VGLL4: variants seen among roughly 807,000 people sequenced by gnomAD.
VGLL4 encodes transcription cofactor vestigial-like protein 4.
VGLL4 carries 7 observed loss-of-function variants against 21.0 expected under a neutral mutation model. That is an observed-to-expected ratio of 0.33 (90% CI 0.19 to 0.63). The LOEUF is 0.63. Ranked by LOEUF, VGLL4 falls within the 20% of genes least tolerant of loss-of-function variation. VGLL4 has a pLI of 0.78. For missense variants in VGLL4, 394 were observed against 425.7 expected, an observed-to-expected ratio of 0.93 and a Z score of 0.66; for synonymous variants, 222 against 173.2, an observed-to-expected ratio of 1.28 and a Z score of -2.21.
At chr3:11,667,842 CTTTTTTTTTTTTTTTTT>C (rs746416276) in intron 2 of VGLL4, among the ~76,000 whole-genome samples, 14 of 69,334 alleles carry the variant, frequency 2.0e-4, no homozygotes, top group African/African-American at 8.4e-4. Context: ...CTATCTTCTT[CTTTTTTTTTTTTTTTTT>C]TTTTTTTTTT....
chr3:11,594,308 T>C (rs890683868), intron 2 of VGLL4, among the ~76,000 whole-genome samples: 1 of 152,204 alleles, frequency 6.6e-6, no homozygotes, highest in African/African-American at 2.4e-5. Context: ...AACTCAATTT[T>C]TGCTTTTATA....
Position 11,558,352 on chromosome 3 carries a change from G to A in VGLL4, c.*204C>T, listed in dbSNP as rs1027970078. Reference sequence around the variant, plus strand: ...GACAGATGTTCCACGCGTAGTTCCTGCTATCATGTTTGAGGGCCCCCTTGT... The same window carrying A: ...GACAGATGTTCCACGCGTAGTTCCTACTATCATGTTTGAGGGCCCCCTTGT... On this transcript the variant is annotated 3_prime_UTR_variant, in exon 5 of 5. Coordinates refer to ENST00000430365, the MANE Select transcript of VGLL4 (RefSeq NM_001128219.3). The A allele has an allele frequency of 2.2e-5, 17 of 773,650 alleles. No homozygotes were observed. Among genetic ancestry groups the A allele is most frequent in the African/African-American group, 1.8e-4 (10 of 57,018 alleles). 47.9% of individuals were successfully genotyped at this position (773,650 alleles called of 1,614,324 possible). A position where few individuals can be genotyped will look rare whatever the true frequency, so the allele number is the denominator to read the frequency against.
At chr3:11,577,588 A>AC (rs1262816697) in intron 2 of VGLL4, among the ~76,000 whole-genome samples, 2 of 151,480 alleles carry the variant, frequency 1.3e-5, no homozygotes, top group African/African-American at 4.9e-5. Flanking sequence ...GCAAGACCCC[A>AC]CCCCCCAAAA....
chr3:11,628,819 C>CAAACAA (rs990359676), intron 1 of VGLL4, among the ~76,000 whole-genome samples: 9 of 152,142 alleles, frequency 5.9e-5, no homozygotes, highest in Admixed American at 4.6e-4. Flanking sequence ...GACTCTGTCT[C>CAAACAA]AAACAAAAAC....
At chr3:11,655,586 C>G (rs916408921) in intron 2 of VGLL4, among the ~76,000 whole-genome samples, 1 of 152,174 alleles carries the variant, frequency 6.6e-6, no homozygotes, top group African/African-American at 2.4e-5. Flanking sequence ...ATGGATAAAC[C>G]TACCAACACT....
intron 1 of VGLL4, among the ~76,000 whole-genome samples, chr3:11,642,573 C>G (rs950510741): frequency 6.6e-6 from 1 of 152,226 alleles, no homozygotes; most frequent in African/African-American, 2.4e-5. Context: ...GGCCGAACTC[C>G]CCCGGAGATG....
At chr3:11,581,325 C>T (rs1444998393) in intron 2 of VGLL4, among the ~76,000 whole-genome samples, 1 of 152,174 alleles carries the variant, frequency 6.6e-6, no homozygotes, top group East Asian at 1.9e-4. Context: ...CCTCGGCCTC[C>T]TGAAGTTCTG....
intron 1 of VGLL4, among the ~76,000 whole-genome samples, chr3:11,715,699 T>C (rs879407838): frequency 9.2e-5 from 14 of 152,196 alleles, no homozygotes; most frequent in Non-Finnish European, 1.5e-4. Context: ...TAGTGGATAT[T>C]GAACCAGTGT....
At position 11,558,474 on chromosome 3, in the gene VGLL4, G is replaced by C; in HGVS notation, c.*82C>G. 20 of 1,238,862 alleles carry C rather than the reference G, an allele frequency of 1.6e-5. No homozygotes were observed. The highest frequency in any genetic ancestry group is 8.7e-5 in the South Asian group (6 of 68,742). 76.7% of individuals were successfully genotyped at this position (1,238,862 alleles called of 1,614,324 possible). A position where few individuals can be genotyped will look rare whatever the true frequency, so the allele number is the denominator to read the frequency against. ...TCCCTTCCCCCCACCCCACCCCCAT[G>C]ATTTTTTTTTTTTTAAGTACTGACT... On this transcript the variant is annotated 3_prime_UTR_variant, in exon 5 of 5. Transcript: ENST00000430365.
intron 4 of VGLL4, 119 bp from the exon 5 acceptor site, chr3:11,558,946 C>T: frequency 3.2e-6 from 4 of 1,245,396 alleles, no homozygotes; most frequent in Non-Finnish European, 4.4e-6. Context: ...TCAGCGTGGG[C>T]TCTGCAGACA....
At chr3:11,574,390 C>T (rs542815263) in intron 2 of VGLL4, among the ~76,000 whole-genome samples, 3 of 152,236 alleles carry the variant, frequency 2.0e-5, no homozygotes, top group Admixed American at 6.5e-5. Context: ...AGGCACTGCA[C>T]GAGCACCGCA....
chr3:11,691,974 G>A (rs1208827179), intron 2 of VGLL4, among the ~76,000 whole-genome samples: 5 of 117,658 alleles, frequency 4.2e-5, no homozygotes, highest in African/African-American at 1.5e-4. Context: ...AGGGAGAAGT[G>A]CACCAAATGA....
intron 1 of VGLL4, among the ~76,000 whole-genome samples, chr3:11,623,749 C>CCTTT (rs200636430): frequency 2.4e-5 from 3 of 123,654 alleles, no homozygotes; most frequent in African/African-American, 2.8e-5. Context: ...TGAAAATTTT[C>CCTTT]TTTTTTTTTT....
intron 1 of VGLL4, chr3:11,610,421 C>A (rs185390295): frequency 1.3e-5 from 2 of 152,336 alleles, no homozygotes; most frequent in African/African-American, 4.8e-5. Context: ...AGATAAAAGC[C>A]GTGACGTGCT....
chr3:11,617,083 AT>A (rs1225504393), intron 1 of VGLL4, among the ~76,000 whole-genome samples: 1 of 152,140 alleles, frequency 6.6e-6, no homozygotes, highest in East Asian at 1.9e-4. Context: ...TGCACTTTTT[AT>A]TTTTTTAAAA....
intron 2 of VGLL4, among the ~76,000 whole-genome samples, chr3:11,579,966 G>C (rs2074179455): frequency 6.6e-6 from 1 of 152,072 alleles, no homozygotes; most frequent in Admixed American, 6.5e-5. Context: ...CACACACAAT[G>C]GACTCATTAA....
chr3:11,624,982 A>G (rs1223401260), intron 1 of VGLL4, among the ~76,000 whole-genome samples: 4 of 152,198 alleles, frequency 2.6e-5, no homozygotes, highest in Non-Finnish European at 5.9e-5. Flanking sequence ...ATAACTGACA[A>G]TGCTCTTTAG....
intron 2 of VGLL4, among the ~76,000 whole-genome samples, chr3:11,649,928 T>C (rs574002361): frequency 0.025 from 3,716 of 151,654 alleles, 136 homozygotes; most frequent in African/African-American, 0.082. Flanking sequence ...TGGTTTGGTT[T>C]GGTTTGGTTT....
At chr3:11,561,132 C>A (rs189767679) in intron 3 of VGLL4, among the ~76,000 whole-genome samples, 27 of 152,270 alleles carry the variant, frequency 1.8e-4, no homozygotes, top group East Asian at 3.9e-4. Context: ...GAGACCCCCC[C>A]CCAGGGTCCT....
Sources: gnomAD v4.1 joint callset for allele counts (sites outside exome capture counted in the v4.1 genomes callset) on GRCh38, gnomAD v4.1.1 for gene constraint, MANE v1.5 for transcripts, NCBI Gene and HGNC (gene_info 2026-07-23, HGNC 2026-07-21) for gene names.